The following MRRF variants were observed in gnomAD, a reference collection of about 807,000 sequenced individuals.
MRRF encodes the protein mitochondrial ribosome recycling factor, also known as ribosome-recycling factor, mitochondrial.
A neutral mutation model predicts 25.1 loss-of-function variants in MRRF; 18 were observed. The ratio of observed to expected loss-of-function variants is 0.72; its 90% confidence interval spans 0.50 to 1.06. The LOEUF (loss-of-function observed/expected upper bound fraction) is 1.06. Ranked by LOEUF, MRRF falls within the 50% of genes least tolerant of loss-of-function variation. MRRF has a pLI of 0.00. For missense variants in MRRF, 323 were observed against 319.3 expected (o/e 1.01, Z -0.09); for synonymous variants, 113 against 112.1 (o/e 1.01, Z -0.05).
At position 122,285,158 on chromosome 9, in the gene MRRF, T is replaced by A. The variant is rs1024567591; in HGVS notation, c.341-11T>A. The A allele has an allele frequency of 5.1e-6, 8 of 1,565,890 alleles. No homozygotes were observed. The highest frequency in any genetic ancestry group is 5.3e-6 in the Non-Finnish European group (6 of 1,136,280). On this transcript the variant is annotated splice_polypyrimidine_tract_variant and intron_variant, in intron 3 of 6. Transcript: ENST00000344641. The stretch of plus-strand genomic sequence containing the variant: ...CTTTGGAATTCTAAAACTCTGTAAT[T>A]TTTCTTTTAGGATCCCTTGACAAGA...
chr9:122,315,691 C>T (rs761607121), intron 6 of MRRF, among the ~76,000 whole-genome samples: 2 of 151,914 alleles, frequency 1.3e-5, no homozygotes, highest in African/African-American at 2.4e-5. Context: ...CCAGCTGGGC[C>T]GGCTCCTTGT....
intron 4 of MRRF, among the ~76,000 whole-genome samples, chr9:122,291,002 C>T (rs1026908175): frequency 6.6e-6 from 1 of 152,138 alleles, no homozygotes; most frequent in Admixed American, 6.5e-5. Flanking sequence ...CATATAACTG[C>T]CCTTGCCTGA....
intron 5 of MRRF, among the ~76,000 whole-genome samples, chr9:122,292,958 G>A (rs1833871622): frequency 1.3e-5 from 2 of 152,132 alleles, no homozygotes; most frequent in Admixed American, 6.5e-5. Flanking sequence ...CTAATGACAT[G>A]CCAGATACTT....
intron 6 of MRRF, among the ~76,000 whole-genome samples, chr9:122,315,208 G>C (rs1835437778): frequency 6.6e-6 from 1 of 152,028 alleles, no homozygotes; most frequent in South Asian, 2.1e-4. Flanking sequence ...CTTGAGATGG[G>C]GTCTCACTAT....
chr9:122,304,501 G>A (rs1302316159), intron 5 of MRRF, among the ~76,000 whole-genome samples: 3 of 152,186 alleles, frequency 2.0e-5, no homozygotes, highest in Non-Finnish European at 2.9e-5. Context: ...CGTAGGATAG[G>A]CTGAAGAGCA....
At position 122,329,291 on chromosome 9, in the gene MRRF, T is replaced by C. The variant is rs1368895310; in HGVS notation, c.*6674T>C. ...CTCACCTTCAAGCCTTTTCTTAGGC[T>C]ATTTTCTTTGCCTAGTGTATGCTCC... is the stretch of plus-strand genomic sequence containing the variant. On this transcript the variant is annotated 3_prime_UTR_variant, in exon 7 of 7. Coordinates refer to ENST00000344641, the MANE Select transcript of MRRF (RefSeq NM_138777.5). 1 of 152,236 alleles carries C rather than the reference T, an allele frequency of 6.6e-6. No individual in the cohort carries two copies. Among genetic ancestry groups the C allele is most frequent in the Non-Finnish European group, 1.5e-5 (1 of 68,042 alleles). The allele number at this position is 152,236 out of a possible 1,614,324, so 9.4% of individuals were successfully genotyped here.
chr9:122,310,819 A>G (rs147062309), intron 5 of MRRF, among the ~76,000 whole-genome samples: 1 of 152,254 alleles, frequency 6.6e-6, no homozygotes, highest in Non-Finnish European at 1.5e-5. Context: ...ACTCTAGTGC[A>G]TACTCACAGA....
Position 122,313,293 on chromosome 9 carries a change from CTCTT to C in MRRF, c.620_623del (p.Ser207TyrfsTer9). 6.2e-7 allele frequency: 1 copy of C among 1,614,108 alleles called. No individual in the cohort carries two copies. Among genetic ancestry groups the C allele is most frequent in the Non-Finnish European group, 8.5e-7 (1 of 1,179,960 alleles). On this transcript the variant is annotated frameshift_variant, in exon 6 of 7. Transcript: ENST00000344641. LOFTEE classifies it high-confidence loss of function. ...AACAGAACACCAACAAGGCCAAAGA[CTCTT>C]TACGGAAGGTTCGCACCAACTCAAT...
At chr9:122,322,411 C>T in intron 6 of MRRF, 129 bp from the exon 7 acceptor site, 2 of 812,834 alleles carry the variant, frequency 2.5e-6, no homozygotes, top group Non-Finnish European at 4.2e-6. Context: ...CAGTGCCTGA[C>T]TGGTACTTAA....
intron 2 of MRRF, among the ~76,000 whole-genome samples, chr9:122,274,189 G>T: frequency 6.6e-6 from 1 of 152,168 alleles, no homozygotes; most frequent in Non-Finnish European, 1.5e-5. Context: ...CTTCTTATAT[G>T]TTAACCTTAA....
In MRRF at chr9:122,301,245, T is replaced by G. The variant is rs572188646; in HGVS notation, c.551+9405T>G. Among the ~76,000 whole-genome samples, 3 of 152,324 alleles carry G rather than the reference T, an allele frequency of 2.0e-5. No homozygotes were observed. The South Asian group carries it at 6.2e-4, about 32-fold the overall frequency. ...TCCCTCCACCCCGCCGTCCCTCATA[T>G]GCTGATGTGCAGTTTCTCACGAATG... is the stretch of plus-strand genomic sequence containing the variant. On this transcript the variant is annotated intron_variant, in intron 5 of 6. Coordinates refer to ENST00000344641, the MANE Select transcript of MRRF (RefSeq NM_138777.5).
intron 5 of MRRF, among the ~76,000 whole-genome samples, chr9:122,303,476 G>A (rs971841202): frequency 1.3e-5 from 2 of 151,984 alleles, no homozygotes; most frequent in African/African-American, 4.8e-5. Context: ...AACCTCCTGG[G>A]CTCAAGCGAT....
chr9:122,280,655 G>C, intron 3 of MRRF, 57 bp downstream of exon 3: 1 of 1,570,586 alleles, frequency 6.4e-7, no homozygotes, highest in South Asian at 1.1e-5. Context: ...CATGGGTTTG[G>C]CAGAGTTGAG....
chr9:122,270,025 A>G (rs1417865007), intron 1 of MRRF, among the ~76,000 whole-genome samples: 1 of 152,098 alleles, frequency 6.6e-6, no homozygotes, highest in Non-Finnish European at 1.5e-5. Context: ...TTGGATCAAA[A>G]TTTTAGGATG....
chr9:122,289,627 C>T (rs1156973005), intron 4 of MRRF, among the ~76,000 whole-genome samples: 1 of 150,460 alleles, frequency 6.6e-6, no homozygotes, highest in African/African-American at 2.4e-5. Flanking sequence ...GATGGCATTT[C>T]TTTTGCAGAG....
intron 5 of MRRF, among the ~76,000 whole-genome samples, chr9:122,305,068 A>G (rs901427162): frequency 3.3e-5 from 5 of 152,070 alleles, no homozygotes; most frequent in Non-Finnish European, 5.9e-5. Flanking sequence ...CAGCCTTTCA[A>G]GTAGCTGGGA....
Position 122,307,143 on chromosome 9 carries a change from C to T in MRRF, c.552-6084C>T, listed in dbSNP as rs189471585. 3.9e-5 allele frequency among the ~76,000 whole-genome samples: 6 copies of T among 152,290 alleles called. No homozygotes were observed. The East Asian group carries it at 7.7e-4, about 20-fold the overall frequency. ...ACAAAAACATTTCCGTCAGGACCGG[C>T]AGCCCCAAGGCATGGGGCAGCTCCC... is the stretch of plus-strand genomic sequence containing the variant. On this transcript the variant is annotated intron_variant, in intron 5 of 6. Transcript: ENST00000344641.
chr9:122,266,375 G>A (rs914350516), intron 1 of MRRF, among the ~76,000 whole-genome samples: 4 of 152,200 alleles, frequency 2.6e-5, no homozygotes, highest in Non-Finnish European at 5.9e-5. Context: ...GGAAGTGATG[G>A]TTAAGCTGAA....
chr9:122,287,240 G>T (rs1006551223), intron 4 of MRRF, among the ~76,000 whole-genome samples: 1 of 152,164 alleles, frequency 6.6e-6, no homozygotes, highest in Non-Finnish European at 1.5e-5. Flanking sequence ...TAGAGTGTAA[G>T]CTTGGAATGT....
Sources: allele counts gnomAD v4.1 joint callset (sites outside exome capture counted in the v4.1 genomes callset), GRCh38; gene constraint gnomAD v4.1.1; transcripts MANE v1.5; gene names NCBI Gene and HGNC (gene_info 2026-07-23, HGNC 2026-07-21).